Variants in PLB1 observed in about 807,000 individuals in gnomAD.
The protein encoded by PLB1 is phospholipase B1, membrane-associated.
PLB1 carries 242 observed loss-of-function variants against 227.4 expected under a neutral mutation model. The ratio of observed to expected loss-of-function variants is 1.06; its 90% CI spans 0.96 to 1.18. PLB1 has a LOEUF of 1.18. Ranked by LOEUF, PLB1 falls within the 50% of genes most tolerant of loss-of-function variation. The probability of loss-of-function intolerance (pLI) is 0.00; values close to 1 mark genes in which losing one functional copy is unlikely to be tolerated. For missense variants in PLB1, 1,858 were observed against 1,816.3 expected (o/e 1.02, Z -0.42); for synonymous variants, 757 against 682.2 (o/e 1.11, Z -1.71).
intron 2 of PLB1, 21 bp from the exon 3 acceptor site, chr2:28,518,445 G>A: frequency 6.3e-7 from 1 of 1,589,376 alleles, no homozygotes; most frequent in Non-Finnish European, 8.6e-7. Context: ...TGATGTTTCT[G>A]ATGTTCGTTT....
chr2:28,507,272 G>A (rs1667739658), intron 1 of PLB1, among the ~76,000 whole-genome samples: 1 of 152,154 alleles, frequency 6.6e-6, no homozygotes, highest in Admixed American at 6.5e-5. Context: ...GTAGTGTGCT[G>A]CTATAATACC....
intron 17 of PLB1, among the ~76,000 whole-genome samples, chr2:28,555,179 T>A (rs776930174): frequency 2.7e-5 from 4 of 147,620 alleles, no homozygotes; most frequent in African/African-American, 1.0e-4. Flanking sequence ...TTTTGCTCTG[T>A]CACCCAGGCT....
Position 28,525,951 on chromosome 2 carries a change from T to C in PLB1, c.325+6T>C. The C allele has an allele frequency of 1.2e-6, 2 of 1,613,174 alleles. No individual in the cohort carries two copies. The highest frequency in any genetic ancestry group is 1.7e-6 in the Non-Finnish European group (2 of 1,179,672). On this transcript the variant is annotated splice_donor_region_variant and intron_variant, in intron 6 of 57. Transcript: ENST00000327757. ...GTGCATGGGAGTGATGACAGGTGAGTTGTGGTTTTCACGGCCAGATTTCAG... is the reference window on the plus strand; with the variant it reads ...GTGCATGGGAGTGATGACAGGTGAGCTGTGGTTTTCACGGCCAGATTTCAG...
intron 9 of PLB1, among the ~76,000 whole-genome samples, chr2:28,537,102 G>A (rs751586659): frequency 6.6e-6 from 1 of 152,190 alleles, no homozygotes. Flanking sequence ...AGGCTTTACG[G>A]TAACAGACCT....
At chr2:28,631,504 C>A (rs1449829981) in intron 54 of PLB1, among the ~76,000 whole-genome samples, 1 of 152,196 alleles carries the variant, frequency 6.6e-6, no homozygotes, top group Non-Finnish European at 1.5e-5. Context: ...GGATGATAAA[C>A]TCCTTGAAGA....
chr2:28,642,986 G>C lies in PLB1; in HGVS notation c.4302G>C (p.Gly1434=). The stretch of plus-strand genomic sequence containing the variant: ...TCGGCCTTGTGGTGGGCATCATCGG[G>C]ACAGTGGTCTGGAGGTGCAGGAGAG... The part of the protein sequence containing the change: ...AGVGLVVGII[G]TVVWRCRRGG... The change falls in exon 58 of 58, where the codon GGG becomes GGC. Residue 1434 remains glycine, a synonymous_variant. Transcript: ENST00000327757. The C allele has an allele frequency of 6.2e-7, 1 of 1,611,058 alleles. No homozygotes were observed. The highest frequency in any genetic ancestry group is 8.5e-7 in the Non-Finnish European group (1 of 1,178,866).
At chr2:28,625,001 C>T (rs1159640514) in intron 49 of PLB1, 56 bp from the exon 50 acceptor site, 89 of 1,528,306 alleles carry the variant, frequency 5.8e-5, no homozygotes, top group Non-Finnish European at 7.9e-5. Flanking sequence ...AATCCCATGT[C>T]GTGAGTCCTC....
rs757738672 is a variant in PLB1, at chr2:28,519,659, G to A, written c.185-46G>A. 4.9e-6 allele frequency: 7 copies of A among 1,421,724 alleles called. No homozygotes were observed. The South Asian group carries it at 8.1e-5, about 16-fold the overall frequency. 88.1% of individuals were successfully genotyped at this position (1,421,724 alleles called of 1,614,324 possible). On this transcript the variant is annotated intron_variant, in intron 3 of 57. Transcript: ENST00000327757. ...ATACGGTATCCTTGGCCGACATCAT[G>A]GGGAATGTAGATCTGACCTTCCTAT...
At chr2:28,512,781 C>T (rs1668435297) in intron 1 of PLB1, among the ~76,000 whole-genome samples, 1 of 151,540 alleles carries the variant, frequency 6.6e-6, no homozygotes. Flanking sequence ...AGGTTGTGCT[C>T]AAACACCTTG....
intron 14 of PLB1, among the ~76,000 whole-genome samples, chr2:28,543,978 C>T (rs757212755): frequency 3.9e-5 from 6 of 152,214 alleles, no homozygotes; most frequent in Non-Finnish European, 7.3e-5. Context: ...AGACAGAGAC[C>T]TGAATTTGCC....
intron 9 of PLB1, among the ~76,000 whole-genome samples, chr2:28,534,603 C>T (rs1479584167): frequency 6.6e-6 from 1 of 152,168 alleles, no homozygotes; most frequent in African/African-American, 2.4e-5. Context: ...CGCCTGTAAT[C>T]CCAGCACTTT....
intron 49 of PLB1, among the ~76,000 whole-genome samples, chr2:28,624,432 A>G (rs941236168): frequency 9.9e-5 from 15 of 152,158 alleles, no homozygotes; most frequent in African/African-American, 3.6e-4. Context: ...TGGCATTCAT[A>G]TCGCTCATCC....
At chr2:28,613,212 A>G (rs912768548) in intron 43 of PLB1, among the ~76,000 whole-genome samples, 8 of 152,186 alleles carry the variant, frequency 5.3e-5, no homozygotes, top group African/African-American at 1.9e-4. Context: ...GGCATGGGCC[A>G]CTGTGCCAGC....
Position 28,643,043 on chromosome 2 carries a change from G to T in PLB1, c.4359G>T (p.Leu1453=). Residue 1453 remains leucine (L), a synonymous_variant, in exon 58 of 58, where the codon CTG becomes CTT. Coordinates refer to ENST00000327757, the MANE Select transcript of PLB1 (RefSeq NM_153021.5). ...GGRREDPPMS[L]RTVAL ...GGAGGGAAGATCCTCCAATGAGCCT[G>T]CGCACTGTGGCCCTCTAGGCCCGGG... The T allele has an allele frequency of 1.2e-6, 2 of 1,606,076 alleles. No homozygotes were observed. The highest frequency in any genetic ancestry group is 1.7e-6 in the Non-Finnish European group (2 of 1,176,580).
chr2:28,582,055 C>G lies in PLB1; in HGVS notation c.1567-13C>G. ...GACAAATGGTGTTCAAGGGACACTT[C>G]CTCTTCCTGCAGGTCCACTATTCTC... On this transcript the variant is annotated splice_polypyrimidine_tract_variant and intron_variant, in intron 23 of 57. Transcript: ENST00000327757. The G allele has an allele frequency of 6.2e-7, 1 of 1,610,402 alleles. No homozygotes were observed. Among genetic ancestry groups the G allele is most frequent in the Non-Finnish European group, 8.5e-7 (1 of 1,176,656 alleles).
intron 9 of PLB1, among the ~76,000 whole-genome samples, chr2:28,534,182 T>G (rs574877145): frequency 3.4e-4 from 52 of 152,320 alleles, no homozygotes; most frequent in African/African-American, 1.2e-3. Context: ...CTTCCATGAG[T>G]ATTTTGCTGT....
Position 28,582,145 on chromosome 2 carries a change from A to G in PLB1, c.1632+12A>G. The G allele has an allele frequency of 6.2e-7, 1 of 1,610,462 alleles. No homozygotes were observed. ...TCCTCCATGCTGAGGTACGGAGGCT[A>G]GGCCATGAGGCCTGCATCTTAGACC... On this transcript the variant is annotated intron_variant, in intron 24 of 57. Transcript: ENST00000327757.
At chr2:28,572,582 C>T (rs1678191658) in intron 20 of PLB1, among the ~76,000 whole-genome samples, 1 of 152,206 alleles carries the variant, frequency 6.6e-6, no homozygotes, top group Non-Finnish European at 1.5e-5. Flanking sequence ...AAAACGAATG[C>T]AGTACAGTTG....
At chr2:28,630,980 C>T (rs1688545527) in intron 54 of PLB1, among the ~76,000 whole-genome samples, 1 of 151,988 alleles carries the variant, frequency 6.6e-6, no homozygotes, top group African/African-American at 2.4e-5. Flanking sequence ...ACTTCCTCCC[C>T]TCCCTTCATT....
Sources: allele counts gnomAD v4.1 joint callset (sites outside exome capture counted in the v4.1 genomes callset), GRCh38; gene constraint gnomAD v4.1.1; transcripts MANE v1.5; gene names NCBI Gene and HGNC (gene_info 2026-07-23, HGNC 2026-07-21).